ZSCAN1: variants seen among roughly 807,000 people sequenced by gnomAD.
The protein encoded by ZSCAN1 is zinc finger and SCAN domain-containing protein 1.
Under a neutral mutation model 23.8 loss-of-function variants are expected in ZSCAN1, and 23 were observed. That is an observed-to-expected ratio of 0.97 (90% CI 0.70 to 1.37). ZSCAN1 has a LOEUF of 1.37. Among genes scored for constraint, ZSCAN1 ranks in the 40% most tolerant of loss-of-function variants. The pLI, the probability that ZSCAN1 is intolerant of heterozygous loss-of-function variation, is 0.00. For missense variants in ZSCAN1, 575 were observed against 554.0 expected (o/e 1.04, Z -0.38); for synonymous variants, 236 against 232.3 (o/e 1.02, Z -0.15).
intron 2 of ZSCAN1, among the ~76,000 whole-genome samples, chr19:58,036,515 CTTTT>C (rs66483587): frequency 3.2e-5 from 3 of 93,432 alleles, no homozygotes; most frequent in Non-Finnish European, 4.4e-5. Context: ...TTTTTCTTTT[CTTTT>C]TTTTTTTTTT....
Position 58,038,144 on chromosome 19 carries a change from C to T in ZSCAN1, c.308C>T (p.Pro103Leu). ...KMRTWVQSQGPRSCREAASLV... is the reference protein window; with the variant it reads ...KMRTWVQSQGLRSCREAASLV... ...CGGACCTGGGTGCAGTCACAGGGCC[C>T]CCGAAGCTGCAGGGAGGCCGCCAGC... is the stretch of plus-strand genomic sequence containing the variant. The change falls in exon 3 of 6, where the codon CCC becomes CTC. Residue 103 changes from proline to leucine, a missense_variant. By Grantham distance (98) the Pro-to-Leu change is moderately conservative. Coordinates refer to ENST00000282326, the MANE Select transcript of ZSCAN1 (RefSeq NM_182572.4). 1 of 1,609,482 alleles carries T rather than the reference C, an allele frequency of 6.2e-7. No homozygotes were observed. The highest frequency in any genetic ancestry group is 8.5e-7 in the Non-Finnish European group (1 of 1,179,260).
intron 3 of ZSCAN1, among the ~76,000 whole-genome samples, chr19:58,039,544 C>T (rs2073769067): frequency 6.6e-6 from 1 of 152,084 alleles, no homozygotes; most frequent in Non-Finnish European, 1.5e-5. Flanking sequence ...CCAAGGCAGG[C>T]GGATCACAAG....
intron 1 of ZSCAN1, among the ~76,000 whole-genome samples, 188 bp from the exon 2 acceptor site, chr19:58,035,782 T>G (rs1436149264): frequency 6.6e-6 from 1 of 152,068 alleles, no homozygotes; most frequent in Admixed American, 6.6e-5. Flanking sequence ...ACCCTGCACC[T>G]CTCCTTTCTC....
chr19:58,036,515 C>CTTTT (rs66483587), intron 2 of ZSCAN1, among the ~76,000 whole-genome samples: 5 of 93,426 alleles, frequency 5.4e-5, no homozygotes, highest in Non-Finnish European at 4.4e-5. Flanking sequence ...TTTTTCTTTT[C>CTTTT]TTTTTTTTTT....
intron 4 of ZSCAN1, 70 bp from the exon 5 acceptor site, chr19:58,052,420 T>C: frequency 6.2e-7 from 1 of 1,608,624 alleles, no homozygotes; most frequent in Non-Finnish European, 8.5e-7. Flanking sequence ...GTTCCTTGGT[T>C]GTTCGGTGGT....
chr19:58,056,448 G>A (rs554422857), downstream of ZSCAN1, among the ~76,000 whole-genome samples: 1 of 152,372 alleles, frequency 6.6e-6, no homozygotes, highest in East Asian at 1.9e-4. Context: ...GACTCAATGA[G>A]TGAGGGGAAG....
chr19:58,045,187 G>C lies in ZSCAN1; in HGVS notation c.465+4643G>C. The C allele has an allele frequency of 1.1e-6, 1 of 947,988 alleles. No homozygotes were observed. Among genetic ancestry groups the C allele is most frequent in the Non-Finnish European group, 1.7e-6 (1 of 574,792 alleles). 58.7% of individuals were successfully genotyped at this position (947,988 alleles called of 1,614,324 possible). ...CGCCAGGCGCGCAGGCAGTTGCTCC[G>C]GTTCTGTGCCGACCTCTTCCGCCTG... is the stretch of plus-strand genomic sequence containing the variant. On this transcript the variant is annotated intron_variant, in intron 4 of 5. Coordinates refer to ENST00000282326, the MANE Select transcript of ZSCAN1 (RefSeq NM_182572.4). The surrounding 1 kb of genome is among the most constrained non-coding windows in gnomAD (Gnocchi z 4.3).
At position 58,046,395 on chromosome 19, in the gene ZSCAN1, G is replaced by T; in HGVS notation, c.465+5851G>T. 5.6e-6 allele frequency: 5 copies of T among 890,780 alleles called. 1 individual carries two copies. Among genetic ancestry groups the T allele is most frequent in the South Asian group, 1.3e-5 (1 of 76,720 alleles). 55.2% of individuals were successfully genotyped at this position (890,780 alleles called of 1,614,324 possible). A position where few individuals can be genotyped will look rare whatever the true frequency, so the allele number is the denominator to read the frequency against. On this transcript the variant is annotated intron_variant, in intron 4 of 5. Coordinates refer to ENST00000282326, the MANE Select transcript of ZSCAN1 (RefSeq NM_182572.4). ...AAGCCAGCAAGAGATTGACAAAAAGGGTGCAGCAGATAATCGGGCAGATCA... is the reference window on the plus strand; with the variant it reads ...AAGCCAGCAAGAGATTGACAAAAAGTGTGCAGCAGATAATCGGGCAGATCA...
chr19:58,037,664 G>A, intron 2 of ZSCAN1, 64 bp from the exon 3 acceptor site: 2 of 787,590 alleles, frequency 2.5e-6, no homozygotes, highest in Non-Finnish European at 3.7e-6. Context: ...AGGAGCCGAG[G>A]GGCATCCTGA....
chr19:58,053,083 C>T lies in ZSCAN1; in HGVS notation c.605-346C>T, dbSNP rs1433511629. Among the ~76,000 whole-genome samples, 1 of 151,954 alleles carries T rather than the reference C, an allele frequency of 6.6e-6. No individual in the cohort carries two copies. ...CAAGCGATTCTCCTGCCTCACCCTC[C>T]TGAGTAGCTGGGATTACAGGCGCAC... On this transcript the variant is annotated intron_variant, in intron 5 of 5. Transcript: ENST00000282326. The surrounding 1 kb of genome is among the most constrained non-coding windows in gnomAD (Gnocchi z 5.8).
At chr19:58,050,678 A>T (rs2073853787) in intron 4 of ZSCAN1, among the ~76,000 whole-genome samples, 1 of 151,522 alleles carries the variant, frequency 6.6e-6, no homozygotes, top group African/African-American at 2.4e-5. Context: ...ACGCCACCAC[A>T]CTCAGCTAAT....
At chr19:58,050,199 C>A (rs915212682) in intron 4 of ZSCAN1, among the ~76,000 whole-genome samples, 2 of 151,796 alleles carry the variant, frequency 1.3e-5, no homozygotes, top group Non-Finnish European at 2.9e-5. Flanking sequence ...CTTTGGGAGG[C>A]CGAGGTGGGT....
Position 58,038,027 on chromosome 19 carries a change from G to A in ZSCAN1, c.191G>A (p.Arg64His), listed in dbSNP as rs369859464. Residue 64 changes from arginine (R) to histidine (H), a missense_variant, in exon 3 of 6, where the codon CGC (arginine) becomes CAC (histidine). By Grantham distance (29) the Arg-to-His change is conservative. Coordinates refer to ENST00000282326, the MANE Select transcript of ZSCAN1 (RefSeq NM_182572.4). ...LALGQLWTLC[R>H]QWLRPEARSK... ...CTGGGCCAGCTCTGGACGCTGTGCC[G>A]CCAGTGGCTGAGGCCCGAGGCGCGC... is the stretch of plus-strand genomic sequence containing the variant. The A allele has an allele frequency of 1.4e-4, 231 of 1,611,244 alleles. No homozygotes were observed. The highest frequency in any genetic ancestry group is 1.9e-4 in the Non-Finnish European group (220 of 1,179,676).
Position 58,037,797 on chromosome 19 carries a change from G to C in ZSCAN1, c.-40G>C. 2 of 1,438,800 alleles carry C rather than the reference G, an allele frequency of 1.4e-6. No individual in the cohort carries two copies. Among genetic ancestry groups the C allele is most frequent in the East Asian group, 2.5e-5 (1 of 40,014 alleles). 89.1% of individuals were successfully genotyped at this position (1,438,800 alleles called of 1,614,324 possible). A position where few individuals can be genotyped will look rare whatever the true frequency, so the allele number is the denominator to read the frequency against. ...CGGAGCCACTGGGACTCGGGATCCA[G>C]TCCACACACACCCCTCAGAGGGGCA... On this transcript the variant is annotated 5_prime_UTR_variant, in exon 3 of 6. Transcript: ENST00000282326.
rs1364523973 is a variant in ZSCAN1 at position 58,053,464 on chromosome 19, T to C, written c.640T>C (p.Trp214Arg). The C allele has an allele frequency of 3.7e-6, 6 of 1,612,974 alleles. No homozygotes were observed. The highest frequency in any genetic ancestry group is 5.1e-6 in the Non-Finnish European group (6 of 1,179,266). ...CCGCTTGCCTCTGAAGCCGAGTATC[T>C]GGGACGAGCCTGAGGACCTTCTCGC... ...RARLPLKPSI[W>R]DEPEDLLAGP... is the part of the protein sequence containing the mutation. The change falls in exon 6 of 6, where the codon TGG (tryptophan) becomes CGG (arginine). Residue 214 changes from tryptophan to arginine, a missense_variant. Coordinates refer to ENST00000282326, the MANE Select transcript of ZSCAN1 (RefSeq NM_182572.4). The surrounding 1 kb of genome is among the most constrained non-coding windows in gnomAD (Gnocchi z 5.8).
At chr19:58,046,669 TC>T in intron 4 of ZSCAN1, 1 of 879,318 alleles carries the variant, frequency 1.1e-6, no homozygotes, top group Non-Finnish European at 2.0e-6. Context: ...TGTTCACGTC[TC>T]CACCAGTCAG....
At chr19:58,046,471 C>A in intron 4 of ZSCAN1, 4 of 851,120 alleles carry the variant, frequency 4.7e-6, no homozygotes, top group Non-Finnish European at 6.2e-6. Context: ...CAAGCTGGCC[C>A]CGGCCAAGGG....
At chr19:58,046,384 T>G in intron 4 of ZSCAN1, 1 of 902,714 alleles carries the variant, frequency 1.1e-6, no homozygotes, top group Admixed American at 1.7e-5. Context: ...CAGCAAGAGA[T>G]TGACAAAAAG....
chr19:58,035,688 T>C (rs1020439696), intron 1 of ZSCAN1, among the ~76,000 whole-genome samples: 4 of 152,168 alleles, frequency 2.6e-5, no homozygotes, highest in East Asian at 1.9e-4. Context: ...AAGCTGGTAG[T>C]TTCCCAATCA....
Sources: allele counts gnomAD v4.1 joint callset (sites outside exome capture counted in the v4.1 genomes callset), GRCh38; gene constraint gnomAD v4.1.1; non-coding constraint Gnocchi (gnomAD v3.1); transcripts MANE v1.5; gene names NCBI Gene and HGNC (gene_info 2026-07-23, HGNC 2026-07-21).